The following TET1 variants were observed in gnomAD, a reference collection of about 807,000 sequenced individuals.
TET1 encodes methylcytosine dioxygenase TET1.
A neutral mutation model predicts 148.7 loss-of-function variants in TET1; 13 were observed. That is an observed-to-expected ratio of 0.09 (90% confidence interval 0.06 to 0.14). TET1 has a LOEUF of 0.14. TET1 is among the 10% of genes least tolerant of loss of function. TET1 has a pLI of 1.00. For missense variants in TET1, 2,182 were observed against 2,553.8 expected (o/e 0.85, Z 3.14); for synonymous variants, 907 against 937.2 (o/e 0.97, Z 0.59).
At chr10:68,567,476 T>C (rs2053619923) in intron 1 of TET1, among the ~76,000 whole-genome samples, 1 of 151,972 alleles carries the variant, frequency 6.6e-6, no homozygotes, top group Non-Finnish European at 1.5e-5. Context: ...GTATTTTTAG[T>C]AGAGACAGGG....
At chr10:68,680,245 G>T (rs1186376432) in intron 8 of TET1, among the ~76,000 whole-genome samples, 1 of 152,162 alleles carries the variant, frequency 6.6e-6, no homozygotes, top group Non-Finnish European at 1.5e-5. Flanking sequence ...TCATATAATG[G>T]TCTCCTTTCT....
Position 68,644,274 on chromosome 10 carries a change from T to G in TET1, c.1969-424T>G, listed in dbSNP as rs549019932. Reference sequence around the variant, plus strand: ...TGGAGTATAGTAGCACAGTCCTGGCTCATTGGAACCTCCACCTCCTGTGCT... The same window carrying G: ...TGGAGTATAGTAGCACAGTCCTGGCGCATTGGAACCTCCACCTCCTGTGCT... On this transcript the variant is annotated intron_variant, in intron 3 of 11. Coordinates refer to ENST00000373644, the MANE Select transcript of TET1 (RefSeq NM_030625.3). Among the ~76,000 whole-genome samples the G allele has an allele frequency of 3.9e-5, 6 of 152,206 alleles. No homozygotes were observed. The South Asian group carries it at 6.2e-4, about 16-fold the overall frequency.
chr10:68,572,202 C>T lies in TET1; in HGVS notation c.-122-15C>T. 1.5e-6 allele frequency: 1 copy of T among 666,488 alleles called. No individual in the cohort carries two copies. The allele number at this position is 666,488 out of a possible 1,614,324, so 41.3% of individuals were successfully genotyped here. A position where few individuals can be genotyped will look rare whatever the true frequency, so the allele number is the denominator to read the frequency against. On this transcript the variant is annotated splice_polypyrimidine_tract_variant and intron_variant, in intron 1 of 11. Coordinates refer to ENST00000373644, the MANE Select transcript of TET1 (RefSeq NM_030625.3). ...GGAAAAAGACTCACTTCAGTGTATT[C>T]TGTTGTTATTTCAGACCAAAACCTT...
At chr10:68,590,324 G>A (rs1281248824) in intron 2 of TET1, among the ~76,000 whole-genome samples, 1 of 151,732 alleles carries the variant, frequency 6.6e-6, no homozygotes, top group Non-Finnish European at 1.5e-5. Context: ...TTAGAGATGG[G>A]TCTCATTATG....
chr10:68,645,021 C>A lies in TET1; in HGVS notation c.2292C>A (p.His764Gln), dbSNP rs200213853. 6.2e-7 allele frequency: 1 copy of A among 1,613,252 alleles called. No individual in the cohort carries two copies. The highest frequency in any genetic ancestry group is 8.5e-7 in the Non-Finnish European group (1 of 1,179,618). Residue 764 changes from histidine to glutamine, a missense_variant, in exon 4 of 12, where the codon CAC becomes CAA. By Grantham distance (24) the His-to-Gln change is conservative. Coordinates refer to ENST00000373644, the MANE Select transcript of TET1 (RefSeq NM_030625.3). ...TAAGAAATGGCATTAAACATGTACA[C>A]TGTTTACCAGCTGAAACAAATGTTT... ...QTVRNGIKHV[H>Q]CLPAETNVSF...
intron 3 of TET1, among the ~76,000 whole-genome samples, chr10:68,605,868 A>T (rs1024571733): frequency 6.6e-6 from 1 of 152,080 alleles, no homozygotes; most frequent in Non-Finnish European, 1.5e-5. Flanking sequence ...GGACTAAATT[A>T]TACTCTGGTT....
chr10:68,571,725 A>G (rs894398032), intron 1 of TET1, among the ~76,000 whole-genome samples: 2 of 152,092 alleles, frequency 1.3e-5, no homozygotes, highest in South Asian at 2.1e-4. Context: ...GAGTCTGCCT[A>G]TGTAGCCCAA....
intron 11 of TET1, among the ~76,000 whole-genome samples, chr10:68,690,413 C>A (rs979827709): frequency 6.6e-6 from 1 of 152,098 alleles, no homozygotes; most frequent in Admixed American, 6.5e-5. Flanking sequence ...CGAGACCATC[C>A]TGGCTAACAC....
intron 1 of TET1, among the ~76,000 whole-genome samples, chr10:68,567,166 T>C (rs2053616411): frequency 6.6e-6 from 1 of 151,282 alleles, no homozygotes; most frequent in South Asian, 2.1e-4. Context: ...CCAGTGCCAC[T>C]AGTTTTTTCC....
intron 6 of TET1, among the ~76,000 whole-genome samples, chr10:68,661,969 T>C (rs1258799260): frequency 1.3e-5 from 2 of 150,042 alleles, no homozygotes; most frequent in African/African-American, 4.9e-5. Flanking sequence ...GCAACCTCTG[T>C]GGTTCAAGCG....
chr10:68,584,438 G>A (rs2053837205), intron 2 of TET1, among the ~76,000 whole-genome samples: 1 of 151,924 alleles, frequency 6.6e-6, no homozygotes, highest in South Asian at 2.1e-4. Context: ...GCTGGGTGCA[G>A]TGGTTCAGGC....
intron 2 of TET1, among the ~76,000 whole-genome samples, chr10:68,585,107 C>A (rs569271849): frequency 2.6e-5 from 4 of 152,108 alleles, no homozygotes; most frequent in Non-Finnish European, 5.9e-5. Flanking sequence ...CGGGTTCAAT[C>A]GATTCTCCTG....
intron 3 of TET1, among the ~76,000 whole-genome samples, chr10:68,624,663 TCTCTCTC>T (rs1564975134): frequency 0.044 from 4,172 of 95,248 alleles, 116 homozygotes; most frequent in East Asian, 0.076. Context: ...TTTCTTTCTC[TCTCTCTC>T]TCTCTCTCTC....
At chr10:68,678,983 A>C (rs7071582) in intron 8 of TET1, among the ~76,000 whole-genome samples, 116,367 of 151,910 alleles carry the variant, frequency 0.77, 45,125 homozygotes, top group Middle Eastern at 0.84. Flanking sequence ...CAAGACCAGC[A>C]TGGCCAACAT....
chr10:68,682,810 A>G, intron 9 of TET1, 26 bp from the exon 10 acceptor site: 5 of 1,608,158 alleles, frequency 3.1e-6, no homozygotes, highest in Non-Finnish European at 4.2e-6. Context: ...CTCTCTTAAG[A>G]TTGTGCTCCA....
Position 68,659,148 on chromosome 10 carries a change from T to C in TET1, c.4461+6554T>C, listed in dbSNP as rs567232744. Among the ~76,000 whole-genome samples the C allele has an allele frequency of 2.6e-5, 4 of 152,252 alleles. No individual in the cohort carries two copies. The East Asian group carries it at 7.8e-4, about 30-fold the overall frequency. On this transcript the variant is annotated intron_variant, in intron 6 of 11. Transcript: ENST00000373644. Reference sequence around the variant, plus strand: ...AGGCTGAGGCAGGAGTATAACTCTTTGTATACTTCCCCTCTTGAGCTTCTG... The same window carrying C: ...AGGCTGAGGCAGGAGTATAACTCTTCGTATACTTCCCCTCTTGAGCTTCTG...
chr10:68,591,666 A>G (rs763075695), intron 2 of TET1, among the ~76,000 whole-genome samples: 2 of 152,126 alleles, frequency 1.3e-5, no homozygotes, highest in Non-Finnish European at 2.9e-5. Flanking sequence ...ACTTTGGATG[A>G]CCGAGGTGGG....
rs1004809327 is a variant in TET1 at position 68,644,598 on chromosome 10, C to T, written c.1969-100C>T. On this transcript the variant is annotated intron_variant, in intron 3 of 11. Transcript: ENST00000373644. ...GCAAAAATAATATTTTAGGCTGTAT[C>T]CACAGGGGCTTTACATTTAGTTGTT... The T allele has an allele frequency of 4.2e-5, 50 of 1,180,004 alleles. No homozygotes were observed. In the South Asian group the frequency reaches 6.1e-4, roughly 14 times the overall value. The allele number at this position is 1,180,004 out of a possible 1,614,324, so 73.1% of individuals were successfully genotyped here.
chr10:68,689,734 G>A (rs564179115), intron 11 of TET1, among the ~76,000 whole-genome samples: 4 of 151,234 alleles, frequency 2.6e-5, no homozygotes, highest in East Asian at 3.9e-4. Context: ...AGCCAGGATC[G>A]CACCACTGCA....
Sources: allele counts gnomAD v4.1 joint callset (sites outside exome capture counted in the v4.1 genomes callset), GRCh38; gene constraint gnomAD v4.1.1; transcripts MANE v1.5; gene names NCBI Gene and HGNC (gene_info 2026-07-23, HGNC 2026-07-21).